PLEKHA5: variants seen among roughly 807,000 people sequenced by gnomAD.
PLEKHA5 encodes the protein pleckstrin homology domain-containing family A member 5.
PLEKHA5 carries 55 observed loss-of-function variants against 181.9 expected under a neutral mutation model. That is an observed-to-expected ratio of 0.30 (90% CI 0.24 to 0.38). The LOEUF is 0.38. PLEKHA5 is among the 10% of genes least tolerant of loss of function. The pLI is 1.00. For synonymous variants in PLEKHA5, 535 were observed against 529.4 expected (o/e 1.01, Z -0.15); for missense variants, 1,432 against 1,549.5 (o/e 0.92, Z 1.27).
chr12:19,347,381 T>C (rs1258745642), intron 24 of PLEKHA5, among the ~76,000 whole-genome samples, 199 bp downstream of exon 24: 3 of 151,888 alleles, frequency 2.0e-5, no homozygotes, highest in African/African-American at 7.2e-5. Context: ...TTTAATATTT[T>C]TATAATTTTA....
intron 3 of PLEKHA5, among the ~76,000 whole-genome samples, chr12:19,250,375 A>G (rs1046985723): frequency 2.6e-5 from 4 of 152,174 alleles, no homozygotes; most frequent in African/African-American, 7.2e-5. Flanking sequence ...GCGTGAGGAC[A>G]GGAGTTTGAG....
chr12:19,247,050 A>G (rs981268264), intron 3 of PLEKHA5, among the ~76,000 whole-genome samples: 3 of 152,118 alleles, frequency 2.0e-5, no homozygotes, highest in African/African-American at 7.2e-5. Context: ...GTGCATGGTT[A>G]TGATGTTTTT....
chr12:19,280,808 T>G (rs1477319504), intron 11 of PLEKHA5, among the ~76,000 whole-genome samples: 1 of 151,942 alleles, frequency 6.6e-6, no homozygotes, highest in East Asian at 1.9e-4. Context: ...CCTCCCAGGT[T>G]TAAGTGATTC....
intron 3 of PLEKHA5, among the ~76,000 whole-genome samples, chr12:19,236,388 G>A (rs2152419104): frequency 6.6e-6 from 1 of 152,210 alleles, no homozygotes; most frequent in Admixed American, 6.5e-5. Flanking sequence ...AATCTATCTT[G>A]TTGGGTTATG....
At chr12:19,320,728 A>T (rs1327084180) in intron 18 of PLEKHA5, 104 bp downstream of exon 18, 1 of 558,324 alleles carries the variant, frequency 1.8e-6, no homozygotes, top group Admixed American at 2.9e-5. Flanking sequence ...AAGTCCTCCA[A>T]AGTGACATCA....
intron 3 of PLEKHA5, among the ~76,000 whole-genome samples, chr12:19,132,773 C>CTT (rs59992820): frequency 0.065 from 7,301 of 112,012 alleles, 541 homozygotes; most frequent in South Asian, 0.1. Flanking sequence ...CCACAATTAC[C>CTT]TTTTTTTTTT....
At chr12:19,297,418 C>G (rs1217399635) in intron 15 of PLEKHA5, among the ~76,000 whole-genome samples, 1 of 149,480 alleles carries the variant, frequency 6.7e-6, no homozygotes, top group African/African-American at 2.5e-5. Context: ...GTCAGGAGAT[C>G]GAGACCATCC....
At chr12:19,164,687 A>G (rs2043855441) in intron 3 of PLEKHA5, among the ~76,000 whole-genome samples, 1 of 151,888 alleles carries the variant, frequency 6.6e-6, no homozygotes. Context: ...CTCATCTTCT[A>G]CCTTAAATGC....
At chr12:19,319,852 T>C (rs942626893) in intron 16 of PLEKHA5, 169 bp from the exon 17 acceptor site, 2 of 455,360 alleles carry the variant, frequency 4.4e-6, no homozygotes, top group Non-Finnish European at 7.7e-6. Flanking sequence ...TTAAGTACAC[T>C]GAATAATTCC....
chr12:19,246,119 C>T (rs1165464941), intron 3 of PLEKHA5, among the ~76,000 whole-genome samples: 2 of 151,228 alleles, frequency 1.3e-5, no homozygotes, highest in African/African-American at 2.4e-5. Flanking sequence ...GCTGGGACTA[C>T]AGGCGCCCGC....
intron 3 of PLEKHA5, among the ~76,000 whole-genome samples, chr12:19,132,839 A>T (rs2034374460): frequency 1.8e-5 from 2 of 108,792 alleles, no homozygotes; most frequent in Non-Finnish European, 1.7e-5. Context: ...ATTGGTCATT[A>T]GCTATGTGGT....
intron 15 of PLEKHA5, among the ~76,000 whole-genome samples, chr12:19,299,891 T>G (rs1054403616): frequency 1.3e-5 from 2 of 152,174 alleles, no homozygotes. Flanking sequence ...TTTTTGTCAT[T>G]TAAGCCTTCA....
At position 19,158,352 on chromosome 12, in the gene PLEKHA5, CA is replaced by C. The variant is rs893127101; in HGVS notation, c.227+25913del. Among the ~76,000 whole-genome samples, 318 of 145,280 alleles carry C rather than the reference CA, an allele frequency of 2.2e-3. 2 individuals are homozygous for C. The highest frequency in any genetic ancestry group is 7.7e-3 in the African/African-American group (304 of 39,628). On this transcript the variant is annotated intron_variant, in intron 3 of 31. Transcript: ENST00000429027. ...TGGGCGACAGAGTGAGACTCCGACT[CA>C]AAAAAAAAAATTTAAGTTTATAAAC...
intron 3 of PLEKHA5, among the ~76,000 whole-genome samples, chr12:19,165,009 A>G (rs903345784): frequency 1.3e-5 from 2 of 152,136 alleles, no homozygotes; most frequent in Non-Finnish European, 2.9e-5. Flanking sequence ...TAACCTGGAC[A>G]AAGCTCACCA....
At chr12:19,326,113 C>T (rs1203830831) in intron 20 of PLEKHA5, among the ~76,000 whole-genome samples, 1 of 152,096 alleles carries the variant, frequency 6.6e-6, no homozygotes, top group Non-Finnish European at 1.5e-5. Context: ...TATGTAATCA[C>T]TTTCCTGGTT....
At chr12:19,335,446 C>T (rs1384328024) in intron 20 of PLEKHA5, among the ~76,000 whole-genome samples, 2 of 147,306 alleles carry the variant, frequency 1.4e-5, no homozygotes, top group African/African-American at 5.0e-5. Flanking sequence ...GTCGGAGTCT[C>T]GCACTGTCAC....
intron 29 of PLEKHA5, among the ~76,000 whole-genome samples, chr12:19,363,961 C>A (rs1256436167): frequency 6.6e-6 from 1 of 152,148 alleles, no homozygotes; most frequent in East Asian, 1.9e-4. Context: ...AGAAAAATAT[C>A]TCTGCTGAAT....
chr12:19,220,425 CAT>C (rs2058761847), intron 3 of PLEKHA5, among the ~76,000 whole-genome samples: 2 of 152,140 alleles, frequency 1.3e-5, no homozygotes, highest in African/African-American at 4.8e-5. Flanking sequence ...GAAAATGAAA[CAT>C]AGATGTATGC....
At chr12:19,272,472 C>T (rs574800581) in intron 10 of PLEKHA5, among the ~76,000 whole-genome samples, 1 of 152,228 alleles carries the variant, frequency 6.6e-6, no homozygotes, top group African/African-American at 2.4e-5. Context: ...AGCACGGTGG[C>T]TCACGCTTGT....
Sources: gnomAD v4.1 joint callset for allele counts (sites outside exome capture counted in the v4.1 genomes callset) on GRCh38, gnomAD v4.1.1 for gene constraint, MANE v1.5 for transcripts, NCBI Gene and HGNC (gene_info 2026-07-23, HGNC 2026-07-21) for gene names.